Variants in CNTNAP2 observed in about 807,000 individuals in gnomAD.
CNTNAP2 encodes the protein contactin-associated protein-like 2.
In CNTNAP2, 98 loss-of-function variants were observed where a neutral mutation model predicts 155.2. The ratio of observed to expected loss-of-function variants is 0.63; its 90% CI spans 0.54 to 0.75. The LOEUF is 0.75. Among genes scored for constraint, CNTNAP2 ranks in the 30% least tolerant of loss-of-function variants. The probability of loss-of-function intolerance (pLI) is 0.00; values close to 1 mark genes in which losing one functional copy is unlikely to be tolerated. For synonymous variants in CNTNAP2, 651 were observed against 631.2 expected, an observed-to-expected ratio of 1.03 and a Z score of -0.47; for missense variants, 1,727 against 1,688.1, an observed-to-expected ratio of 1.02 and a Z score of -0.40.
At chr7:146,292,193 G>T (rs1800439664) in intron 1 of CNTNAP2, among the ~76,000 whole-genome samples, 1 of 152,102 alleles carries the variant, frequency 6.6e-6, no homozygotes, top group Admixed American at 6.6e-5. Flanking sequence ...CCTCACTCTT[G>T]TTAAAATGAC....
At chr7:146,842,977 G>A (rs1022399811) in intron 3 of CNTNAP2, among the ~76,000 whole-genome samples, 2 of 118,970 alleles carry the variant, frequency 1.7e-5, no homozygotes, top group African/African-American at 6.3e-5. Context: ...GAGCCACCAC[G>A]CCCGGCCTGT....
chr7:148,023,920 TGAA>T lies in CNTNAP2; in HGVS notation c.2383+45936_2383+45938del, dbSNP rs563209784. Among the ~76,000 whole-genome samples the T allele has an allele frequency of 3.7e-3, 568 of 152,190 alleles. 6 individuals carry two copies. Among genetic ancestry groups the T allele is most frequent in the Non-Finnish European group, 3.4e-3 (233 of 68,008 alleles). ...CTAGATGCTGAAATTGCATTTGTGGTGAAGAAGGGAAAGGCCATAAGAGTAACT... is the reference window on the plus strand; with the variant it reads ...CTAGATGCTGAAATTGCATTTGTGGTGAAGGGAAAGGCCATAAGAGTAACT... On this transcript the variant is annotated intron_variant, in intron 15 of 23. Transcript: ENST00000361727.
chr7:147,431,409 A>G (rs1797464558), intron 10 of CNTNAP2, among the ~76,000 whole-genome samples: 1 of 152,158 alleles, frequency 6.6e-6, no homozygotes, highest in South Asian at 2.1e-4. Context: ...TTGCACTGCT[A>G]GCTTCAAACC....
intron 14 of CNTNAP2, among the ~76,000 whole-genome samples, chr7:147,934,040 G>C (rs563811138): frequency 3.3e-5 from 5 of 152,304 alleles, no homozygotes; most frequent in East Asian, 1.9e-4. Context: ...GTAGAATGCT[G>C]GTTGCCAGGG....
intron 2 of CNTNAP2, among the ~76,000 whole-genome samples, chr7:146,818,975 G>A (rs1803225867): frequency 1.3e-5 from 2 of 152,092 alleles, no homozygotes; most frequent in South Asian, 4.2e-4. Flanking sequence ...TACAAAAAAT[G>A]TGGAGTTTTA....
At chr7:147,275,586 C>T (rs1002497523) in intron 8 of CNTNAP2, among the ~76,000 whole-genome samples, 2 of 151,738 alleles carry the variant, frequency 1.3e-5, no homozygotes, top group Admixed American at 6.6e-5. Context: ...TTGAAGGGAC[C>T]TTTAAGATCA....
chr7:148,180,244 C>T (rs558674763), intron 18 of CNTNAP2, among the ~76,000 whole-genome samples: 2 of 152,250 alleles, frequency 1.3e-5, no homozygotes, highest in African/African-American at 4.8e-5. Flanking sequence ...TTTTCATTTT[C>T]AGTTGGAACA....
chr7:148,301,306 A>AATATAT lies in CNTNAP2; in HGVS notation c.3475+34192_3475+34197dup, dbSNP rs1554414673. Among the ~76,000 whole-genome samples the AATATAT allele has an allele frequency of 4.7e-4, 49 of 103,822 alleles. 1 individual carries two copies. Among genetic ancestry groups the AATATAT allele is most frequent in the East Asian group, 9.7e-4 (4 of 4,106 alleles). The allele number at this position is 103,822 out of a possible 152,430, so 68.1% of individuals were successfully genotyped here. A position where few individuals can be genotyped will look rare whatever the true frequency, so the allele number is the denominator to read the frequency against. On this transcript the variant is annotated intron_variant, in intron 21 of 23. Coordinates refer to ENST00000361727, the MANE Select transcript of CNTNAP2 (RefSeq NM_014141.6). ...GAGACTCCGTCTAAAAAAAAAAAAA[A>AATATAT]ATATATATATATATATAGGTTAAAA...
At chr7:147,805,002 A>C (rs1159852907) in intron 13 of CNTNAP2, among the ~76,000 whole-genome samples, 2 of 152,212 alleles carry the variant, frequency 1.3e-5, no homozygotes, top group Admixed American at 6.5e-5. Context: ...ATAGAAATCC[A>C]GACCTGGAAT....
intron 3 of CNTNAP2, among the ~76,000 whole-genome samples, chr7:146,848,611 T>C (rs999478489): frequency 6.6e-6 from 1 of 152,168 alleles, no homozygotes; most frequent in Non-Finnish European, 1.5e-5. Context: ...AGCTACCTAC[T>C]ATTGGCTAAA....
chr7:148,301,326 T>TATATATATA (rs1280693837), intron 21 of CNTNAP2, among the ~76,000 whole-genome samples: 3 of 138,014 alleles, frequency 2.2e-5, no homozygotes, highest in Non-Finnish European at 3.2e-5. Context: ...TATATATAGG[T>TATATATATA]TAAAATGTCC....
intron 15 of CNTNAP2, among the ~76,000 whole-genome samples, chr7:148,068,286 C>T (rs1248218721): frequency 6.6e-6 from 1 of 152,204 alleles, no homozygotes; most frequent in Non-Finnish European, 1.5e-5. Context: ...GCAGCCCTCC[C>T]CAAGAACCTC....
chr7:146,994,369 T>C (rs774682527), intron 3 of CNTNAP2, among the ~76,000 whole-genome samples: 26 of 152,292 alleles, frequency 1.7e-4, no homozygotes, highest in Non-Finnish European at 2.9e-4. Flanking sequence ...TGTGCATTAC[T>C]GTTAAAGTTC....
chr7:146,614,980 G>T (rs1799200380), intron 1 of CNTNAP2, among the ~76,000 whole-genome samples: 1 of 151,454 alleles, frequency 6.6e-6, no homozygotes, highest in Non-Finnish European at 1.5e-5. Context: ...GCAAAAAAAA[G>T]CTTTTGAAAA....
intron 14 of CNTNAP2, among the ~76,000 whole-genome samples, chr7:147,957,057 AG>A: frequency 6.6e-6 from 1 of 152,308 alleles, no homozygotes; most frequent in Admixed American, 6.5e-5. Flanking sequence ...TGGTTTTCCA[AG>A]TAATGTCACT....
At chr7:146,700,499 T>G (rs187942192) in intron 1 of CNTNAP2, among the ~76,000 whole-genome samples, 1 of 152,222 alleles carries the variant, frequency 6.6e-6, no homozygotes, top group African/African-American at 2.4e-5. Flanking sequence ...AGTCTGACCT[T>G]CAGGAAGCTC....
At chr7:146,968,325 A>T (rs1797703449) in intron 3 of CNTNAP2, among the ~76,000 whole-genome samples, 1 of 152,114 alleles carries the variant, frequency 6.6e-6, no homozygotes, top group African/African-American at 2.4e-5. Flanking sequence ...CTGGCCTCAT[A>T]AAATGAGTTA....
intron 1 of CNTNAP2, among the ~76,000 whole-genome samples, chr7:146,246,214 A>C (rs868629341): frequency 2.4e-4 from 37 of 151,032 alleles, no homozygotes; most frequent in South Asian, 6.3e-4. Context: ...GAGTAGAAGT[A>C]TCTTATACTT....
At chr7:146,791,928 C>T (rs574315340) in intron 2 of CNTNAP2, among the ~76,000 whole-genome samples, 1 of 152,236 alleles carries the variant, frequency 6.6e-6, no homozygotes, top group Non-Finnish European at 1.5e-5. Flanking sequence ...TTGGGAATCC[C>T]CCCTACTATT....
Sources: gnomAD v4.1 joint callset for allele counts (sites outside exome capture counted in the v4.1 genomes callset) on GRCh38, gnomAD v4.1.1 for gene constraint, MANE v1.5 for transcripts, NCBI Gene and HGNC (gene_info 2026-07-23, HGNC 2026-07-21) for gene names.